MAF: variants seen among roughly 807,000 people sequenced by gnomAD.
The protein encoded by MAF is transcription factor Maf.
In MAF, 10 loss-of-function variants were observed where a neutral mutation model predicts 22.0. The ratio of observed to expected loss-of-function variants is 0.45; its 90% CI spans 0.28 to 0.77. The LOEUF is 0.77. MAF is among the 30% of genes least tolerant of loss of function. The pLI, the probability that MAF is intolerant of heterozygous loss-of-function variation, is 0.12. For synonymous variants in MAF, 337 were observed against 255.8 expected (o/e 1.32, Z -3.03); for missense variants, 544 against 548.4 (o/e 0.99, Z 0.08).
the MAF span, among the ~76,000 whole-genome samples, chr16:79,305,739 C>G: frequency 0.13 from 19,404 of 152,136 alleles, 1,317 homozygotes; most frequent in Middle Eastern, 0.2. Flanking sequence ...AAGATTTAAG[C>G]AGAGAGAGGA....
At chr16:79,301,006 G>T in the MAF span, among the ~76,000 whole-genome samples, 59 of 151,878 alleles carry the variant, frequency 3.9e-4, no homozygotes, top group Non-Finnish European at 7.4e-4. Context: ...ATAAAAGAGA[G>T]GAAAGGGAGG....
chr16:79,379,974 A>G, the MAF span, among the ~76,000 whole-genome samples: 1 of 152,212 alleles, frequency 6.6e-6, no homozygotes, highest in South Asian at 2.1e-4. Context: ...GAATGTGGGG[A>G]AAGTCAAAAG....
At chr16:79,375,852 C>G in the MAF span, among the ~76,000 whole-genome samples, 13 of 152,294 alleles carry the variant, frequency 8.5e-5, no homozygotes, top group East Asian at 2.5e-3. Flanking sequence ...ACCTGGGAAG[C>G]ATACCATCAT....
the MAF span, among the ~76,000 whole-genome samples, chr16:79,362,465 G>A: frequency 1.3e-5 from 2 of 152,280 alleles, no homozygotes; most frequent in Admixed American, 6.5e-5. Context: ...CATGTCGAAT[G>A]TTTGACTCAG....
chr16:79,413,949 G>C, the MAF span, among the ~76,000 whole-genome samples: 2 of 152,154 alleles, frequency 1.3e-5, no homozygotes, highest in African/African-American at 2.4e-5. Context: ...TGAGCTTTGG[G>C]GCCAACACAC....
chr16:79,475,855 CTGTGTGGCCTGTGCTCT>C, the MAF span, among the ~76,000 whole-genome samples: 1 of 152,270 alleles, frequency 6.6e-6, no homozygotes, highest in East Asian at 1.9e-4. Context: ...AAGACGACCC[CTGTGTGGCCTGTGCTCT>C]TGTAAAATCT....
chr16:79,216,119 GTGCACATCTGTATATGTATATGTCA>G, the MAF span, among the ~76,000 whole-genome samples: 13 of 151,610 alleles, frequency 8.6e-5, no homozygotes, highest in African/African-American at 2.9e-4. Context: ...TTTGTCATAT[GTGCACATCTGTATATGTATATGTCA>G]TGCACATCTG....
chr16:79,415,948 T>C, the MAF span, among the ~76,000 whole-genome samples: 1 of 152,218 alleles, frequency 6.6e-6, no homozygotes, highest in East Asian at 1.9e-4. Context: ...TGTCCCTCCC[T>C]ATGAAAATCT....
chr16:79,516,786 A>T, the MAF span, among the ~76,000 whole-genome samples: 6 of 152,196 alleles, frequency 3.9e-5, no homozygotes, highest in Admixed American at 3.9e-4. Flanking sequence ...GGAGCTCTAG[A>T]GGTTCCATGG....
the MAF span, among the ~76,000 whole-genome samples, chr16:79,424,084 C>T: frequency 2.0e-5 from 3 of 152,174 alleles, no homozygotes; most frequent in East Asian, 1.9e-4. Flanking sequence ...GACATCAACA[C>T]GCACTGCTAG....
chr16:79,511,298 A>G, the MAF span, among the ~76,000 whole-genome samples: 186 of 152,308 alleles, frequency 1.2e-3, no homozygotes, highest in African/African-American at 4.0e-3. Context: ...CGTCATTCTC[A>G]TAGCCAAGAG....
chr16:79,466,286 A>G, the MAF span, among the ~76,000 whole-genome samples: 2 of 152,178 alleles, frequency 1.3e-5, no homozygotes, highest in African/African-American at 2.4e-5. Context: ...CTGCAGGGTG[A>G]CATGCTCTGA....
chr16:79,536,528 G>C, the MAF span, among the ~76,000 whole-genome samples: 3 of 152,178 alleles, frequency 2.0e-5, no homozygotes, highest in Non-Finnish European at 4.4e-5. Flanking sequence ...TGTAGTCTCA[G>C]CTACTTGGTA....
the MAF span, among the ~76,000 whole-genome samples, chr16:79,420,773 T>C: frequency 6.6e-6 from 1 of 152,230 alleles, no homozygotes; most frequent in African/African-American, 2.4e-5. Flanking sequence ...CTCATGCCTG[T>C]AATCCTAGCA....
the MAF span, among the ~76,000 whole-genome samples, chr16:79,523,938 C>T: frequency 6.6e-6 from 1 of 152,310 alleles, no homozygotes; most frequent in Admixed American, 6.5e-5. Flanking sequence ...TTCTTCCCCA[C>T]TATCTTGGAA....
the MAF span, among the ~76,000 whole-genome samples, chr16:79,574,468 C>T: frequency 1.3e-5 from 2 of 152,188 alleles, no homozygotes; most frequent in Admixed American, 6.5e-5. Context: ...ACCATCAACA[C>T]CGTTAAAATG....
At chr16:79,585,052 C>A (rs1234175032), downstream of MAF, among the ~76,000 whole-genome samples, 1 of 152,034 alleles carries the variant, frequency 6.6e-6, no homozygotes, top group Non-Finnish European at 1.5e-5. Context: ...TCTCAGCAAG[C>A]ACAATTTTTA....
At chr16:79,478,097 A>T in the MAF span, among the ~76,000 whole-genome samples, 1 of 152,206 alleles carries the variant, frequency 6.6e-6, no homozygotes, top group Non-Finnish European at 1.5e-5. Flanking sequence ...ACTAAAGCTT[A>T]GAGAGCACCT....
the MAF span, chr16:79,212,268 A>T: frequency 3.2e-6 from 4 of 1,263,746 alleles, no homozygotes; most frequent in Non-Finnish European, 4.2e-6. Flanking sequence ...TGTTTCATTC[A>T]TCCTGACCAA....
Sources: allele counts gnomAD v4.1 joint callset (sites outside exome capture counted in the v4.1 genomes callset), GRCh38; gene constraint gnomAD v4.1.1; transcripts MANE v1.5; gene names NCBI Gene and HGNC (gene_info 2026-07-23, HGNC 2026-07-21).